The following AGPAT5 variants were observed in gnomAD, a reference collection of about 807,000 sequenced individuals.
AGPAT5 encodes the protein 1-acylglycerol-3-phosphate O-acyltransferase 5.
A neutral mutation model predicts 45.6 loss-of-function variants in AGPAT5; 46 were observed. The observed-to-expected ratio is 1.01, with a 90% CI of 0.80 to 1.29. The LOEUF (loss-of-function observed/expected upper bound fraction) is 1.29, where lower values mean the gene tolerates loss of function less well. Ranked by LOEUF, AGPAT5 falls within the 50% of genes most tolerant of loss-of-function variation. The pLI, the probability that AGPAT5 is intolerant of heterozygous loss-of-function variation, is 0.00. For synonymous variants in AGPAT5, 272 were observed against 167.0 expected (o/e 1.63, Z -4.85); for missense variants, 673 against 450.7 (o/e 1.49, Z -4.47).
chr8:6,744,903 G>GGA (rs1465221618), intron 5 of AGPAT5, among the ~76,000 whole-genome samples: 1 of 152,180 alleles, frequency 6.6e-6, no homozygotes, highest in African/African-American at 2.4e-5. Flanking sequence ...CCTTAGCAGT[G>GGA]GAGAACATCG....
chr8:6,756,779 G>C (rs1224386627), intron 7 of AGPAT5, among the ~76,000 whole-genome samples: 1 of 152,142 alleles, frequency 6.6e-6, no homozygotes, highest in Non-Finnish European at 1.5e-5. Context: ...AGAACCGCTG[G>C]TCCTATCTTT....
chr8:6,723,255 T>C (rs71525762), intron 1 of AGPAT5, among the ~76,000 whole-genome samples: 7,885 of 152,250 alleles, frequency 0.052, 481 homozygotes, highest in East Asian at 0.25. Flanking sequence ...GAGGAGCTCA[T>C]AGTCCCTAAG....
In AGPAT5 at chr8:6,760,474, C is replaced by T. The variant is rs1563313658; in HGVS notation, c.*3086C>T. ...CACAGTAACTCCCAGATATGTACCACAAAAAATGTGAAAAGAGAGAGAAAT... is the reference window on the plus strand; with the variant it reads ...CACAGTAACTCCCAGATATGTACCATAAAAAATGTGAAAAGAGAGAGAAAT... On this transcript the variant is annotated 3_prime_UTR_variant, in exon 8 of 8. Transcript: ENST00000285518. Among the ~76,000 whole-genome samples, 2 of 151,846 alleles carry T rather than the reference C, an allele frequency of 1.3e-5. No individual in the cohort carries two copies. The highest frequency in any genetic ancestry group is 4.8e-5 in the African/African-American group (2 of 41,368).
chr8:6,758,657 G>A lies in AGPAT5; in HGVS notation c.*1269G>A, dbSNP rs1202197782. 2.0e-5 allele frequency: 3 copies of A among 152,658 alleles called. No individual in the cohort carries two copies. The highest frequency in any genetic ancestry group is 4.4e-5 in the Non-Finnish European group (3 of 68,048). 9.5% of individuals were successfully genotyped at this position (152,658 alleles called of 1,614,324 possible). On this transcript the variant is annotated 3_prime_UTR_variant, in exon 8 of 8. Transcript: ENST00000285518. ...ATTTGTTTATTTCCCATTAGGTTTA[G>A]TGGAGCTACACATTAATATGTATCG...
intron 5 of AGPAT5, among the ~76,000 whole-genome samples, chr8:6,743,561 C>G (rs1309647319): frequency 6.6e-6 from 1 of 152,180 alleles, no homozygotes; most frequent in Non-Finnish European, 1.5e-5. Context: ...GAAACTTAGA[C>G]ATGGAGGAAG....
intron 3 of AGPAT5, 37 bp downstream of exon 3, chr8:6,730,863 G>A: frequency 8.2e-7 from 1 of 1,224,628 alleles, no homozygotes; most frequent in Admixed American, 2.5e-5. Context: ...TATATATGTA[G>A]TTTATAAATT....
At position 6,758,722 on chromosome 8, in the gene AGPAT5, T is replaced by G. The variant is rs1008199833; in HGVS notation, c.*1334T>G. ...CTGTGTTCCAGGAACCAGATCACGA[T>G]TTTTAGCCATGGAACAATATATCCC... On this transcript the variant is annotated 3_prime_UTR_variant, in exon 8 of 8. Transcript: ENST00000285518. 4.6e-5 allele frequency: 7 copies of G among 152,668 alleles called. No individual in the cohort carries two copies. Among genetic ancestry groups the G allele is most frequent in the Non-Finnish European group, 1.0e-4 (7 of 68,044 alleles). 9.5% of individuals were successfully genotyped at this position (152,668 alleles called of 1,614,324 possible).
rs1224409572 is a variant in AGPAT5, at chr8:6,761,089, GTATAC to G, written c.*3706_*3710del. Among the ~76,000 whole-genome samples the G allele has an allele frequency of 6.6e-6, 1 of 152,130 alleles. No individual in the cohort carries two copies. Among genetic ancestry groups the G allele is most frequent in the African/African-American group, 2.4e-5 (1 of 41,440 alleles). On this transcript the variant is annotated 3_prime_UTR_variant, in exon 8 of 8. Coordinates refer to ENST00000285518, the MANE Select transcript of AGPAT5 (RefSeq NM_018361.5). ...GACATATACCTTGTTATTATAATAT[GTATAC>G]TATAATAATAGCTGGTTATCCTGAG...
At chr8:6,708,948 C>T (rs1297908952) in intron 1 of AGPAT5, 61 bp downstream of exon 1, 1 of 1,485,002 alleles carries the variant, frequency 6.7e-7, no homozygotes, top group Non-Finnish European at 9.1e-7. Context: ...GCGCGGACCT[C>T]TCCGCTCCCC....
Position 6,755,156 on chromosome 8 carries a change from G to A in AGPAT5, c.851G>A (p.Arg284His), listed in dbSNP as rs1193570932. ...CATATGAGAAGATGGCTGCATGAAC[G>A]TTTCGAAATCAAAGATAAGTGAGTA... ...QEHMRRWLHE[R>H]FEIKDKMLIE... Residue 284 changes from arginine to histidine, a missense_variant, in exon 7 of 8, where the codon CGT becomes CAT. Coordinates refer to ENST00000285518, the MANE Select transcript of AGPAT5 (RefSeq NM_018361.5). 12 of 1,600,172 alleles carry A rather than the reference G, an allele frequency of 7.5e-6. No individual in the cohort carries two copies. Among genetic ancestry groups the A allele is most frequent in the Non-Finnish European group, 8.5e-6 (10 of 1,177,540 alleles).
At chr8:6,730,877 T>G (rs1190710403) in intron 3 of AGPAT5, 51 bp downstream of exon 3, 1 of 1,312,284 alleles carries the variant, frequency 7.6e-7, no homozygotes, top group East Asian at 2.5e-5. Context: ...ATAAATTTTT[T>G]TTTTTTTTTT....
At chr8:6,712,092 C>G (rs571788906) in intron 1 of AGPAT5, among the ~76,000 whole-genome samples, 1 of 152,160 alleles carries the variant, frequency 6.6e-6, no homozygotes, top group African/African-American at 2.4e-5. Context: ...GTAGTTATTT[C>G]GTAGTTTAAC....
chr8:6,733,060 A>G (rs1012694591), intron 4 of AGPAT5, among the ~76,000 whole-genome samples: 7 of 152,370 alleles, frequency 4.6e-5, no homozygotes, highest in African/African-American at 1.4e-4. Flanking sequence ...TTACATGTAC[A>G]GAAAAACCAA....
intron 6 of AGPAT5, among the ~76,000 whole-genome samples, chr8:6,752,084 G>A (rs547893629): frequency 3.9e-5 from 6 of 152,220 alleles, no homozygotes; most frequent in African/African-American, 1.4e-4. Context: ...GGCTGAGGTA[G>A]GGGAATCACT....
chr8:6,732,983 C>G (rs1404612543), intron 4 of AGPAT5, among the ~76,000 whole-genome samples: 1 of 152,152 alleles, frequency 6.6e-6, no homozygotes, highest in African/African-American at 2.4e-5. Context: ...TACTTCTTGT[C>G]TTCTTTAGTA....
In AGPAT5 at chr8:6,757,265, A is replaced by G. The variant is rs1276455675; in HGVS notation, c.972A>G (p.Ser324=). Residue 324 remains serine (S), a synonymous_variant, in exon 8 of 8, where the codon TCA becomes TCG. Coordinates refer to ENST00000285518, the MANE Select transcript of AGPAT5 (RefSeq NM_018361.5). The stretch of plus-strand genomic sequence containing the variant: ...TAAGTATCAAGAAGACTTTACCATC[A>G]ATGTTGATCTTAAGTGGTTTGACTG... ...SKLSIKKTLP[S]MLILSGLTAG... is the part of the protein sequence containing the mutation. 6.2e-7 allele frequency: 1 copy of G among 1,614,196 alleles called. No individual in the cohort carries two copies. The highest frequency in any genetic ancestry group is 2.2e-5 in the East Asian group (1 of 44,882).
At chr8:6,735,291 C>G (rs1027479091) in intron 4 of AGPAT5, among the ~76,000 whole-genome samples, 2 of 152,160 alleles carry the variant, frequency 1.3e-5, no homozygotes, top group African/African-American at 2.4e-5. Flanking sequence ...TGGGCTGGGC[C>G]CTGAGCCCTT....
intron 6 of AGPAT5, among the ~76,000 whole-genome samples, chr8:6,751,605 G>C (rs537082882): frequency 6.6e-6 from 1 of 152,212 alleles, no homozygotes; most frequent in Non-Finnish European, 1.5e-5. Flanking sequence ...TTTAAGGGAG[G>C]TATAAATCAA....
At chr8:6,724,832 A>T in intron 1 of AGPAT5, 38 bp from the exon 2 acceptor site, 1 of 671,464 alleles carries the variant, frequency 1.5e-6, no homozygotes. Flanking sequence ...CAGATGTTTT[A>T]AAATATCAAA....
Sources: gnomAD v4.1 joint callset for allele counts (sites outside exome capture counted in the v4.1 genomes callset) on GRCh38, gnomAD v4.1.1 for gene constraint, MANE v1.5 for transcripts, NCBI Gene and HGNC (gene_info 2026-07-23, HGNC 2026-07-21) for gene names.